Variants in ETV2 observed in about 807,000 individuals in gnomAD.
ETV2 encodes the protein ETS translocation variant 2.
ETV2 carries 34 observed loss-of-function variants against 35.7 expected under a neutral mutation model. The observed-to-expected ratio is 0.95, with a 90% CI of 0.72 to 1.27. ETV2 has a LOEUF of 1.27. Ranked by LOEUF, ETV2 falls within the 50% of genes most tolerant of loss-of-function variation. ETV2 has a pLI of 0.00. For missense variants in ETV2, 512 were observed against 470.5 expected, an observed-to-expected ratio of 1.09 and a Z score of -0.82; for synonymous variants, 207 against 203.9, an observed-to-expected ratio of 1.02 and a Z score of -0.13.
In ETV2 at chr19:35,644,205, A is replaced by G; in HGVS notation, c.716-30A>G. ...AGTGGTGTGATCTAGGGCCGGGAAG[A>G]CTGAGTGTGCCCCTCCCTTCATCCC... On this transcript the variant is annotated intron_variant, in intron 5 of 6. Coordinates refer to ENST00000402764, the MANE Select transcript of ETV2 (RefSeq NM_014209.4). This position sits in a 1 kb window ranked among gnomAD's most constrained non-coding sequence, Gnocchi z 4.7. The G allele has an allele frequency of 2.1e-6, 3 of 1,420,506 alleles. No individual in the cohort carries two copies. Among genetic ancestry groups the G allele is most frequent in the Non-Finnish European group, 2.9e-6 (3 of 1,027,598 alleles). 88.0% of individuals were successfully genotyped at this position (1,420,506 alleles called of 1,614,324 possible).
In ETV2 at chr19:35,643,391, C is replaced by A. The variant is rs1394780882; in HGVS notation, c.353C>A (p.Pro118His). ...TLGPAPLGPG[P>H]IPAAGSEGAA... ...GGCCCCGCCCCTCTCGGCCCGGGCC[C>A]CATCCCCGCCGCCGGCTCCGAAGGC... Residue 118 changes from proline to histidine, a missense_variant, in exon 5 of 7, where the codon CCC becomes CAC. Transcript: ENST00000402764. The surrounding 1 kb of genome is among the most constrained non-coding windows in gnomAD (Gnocchi z 5.0). The A allele has an allele frequency of 2.6e-6, 4 of 1,549,672 alleles. No homozygotes were observed. The highest frequency in any genetic ancestry group is 3.5e-6 in the Non-Finnish European group (4 of 1,148,432).
Position 35,644,670 on chromosome 19 carries a change from G to A in ETV2, c.847G>A (p.Glu283Lys), listed in dbSNP as rs750398674. ...DPKEVARLWG[E>K]RKRKPGMNYE... ...GTCCTAGGTGGCTCGGCTGTGGGGC[G>A]AGCGCAAGAGAAAGCCGGGCATGAA... The change falls in exon 7 of 7, where the codon GAG becomes AAG. Residue 283 changes from glutamate to lysine, a missense_variant. Coordinates refer to ENST00000402764, the MANE Select transcript of ETV2 (RefSeq NM_014209.4). This position sits in a 1 kb window ranked among gnomAD's most constrained non-coding sequence, Gnocchi z 4.7. The A allele has an allele frequency of 5.7e-5, 91 of 1,604,304 alleles. No individual in the cohort carries two copies. The highest frequency in any genetic ancestry group is 7.7e-5 in the Non-Finnish European group (91 of 1,174,338).
rs1967699169 is a variant in ETV2 at position 35,644,100 on chromosome 19, G to T, written c.716-135G>T. 1.1e-5 allele frequency: 8 copies of T among 714,718 alleles called. No homozygotes were observed. Among genetic ancestry groups the T allele is most frequent in the Non-Finnish European group, 2.0e-5 (8 of 403,136 alleles). 44.3% of individuals were successfully genotyped at this position (714,718 alleles called of 1,614,324 possible). On this transcript the variant is annotated intron_variant, in intron 5 of 6. Transcript: ENST00000402764. This position sits in a 1 kb window ranked among gnomAD's most constrained non-coding sequence, Gnocchi z 4.7. ...CTTGAGTCTCCAAGGCTGACTGTTG[G>T]ATCTCAGAGAAGGGGGGGCGGATCC...
rs1390644529 is a variant in ETV2, at chr19:35,642,450, TCATCG to T, written c.-6_-2del. The T allele has an allele frequency of 6.4e-7, 1 of 1,564,814 alleles. No individual in the cohort carries two copies. Among genetic ancestry groups the T allele is most frequent in the African/African-American group, 1.4e-5 (1 of 73,510 alleles). ...CCGACCCAGAACATTCAGAAGGCCT[TCATCG>T]CATCCATGGACCTGTGGAACTGGGA... On this transcript the variant is annotated 5_prime_UTR_variant, in exon 2 of 7. Coordinates refer to ENST00000402764, the MANE Select transcript of ETV2 (RefSeq NM_014209.4). This position sits in a 1 kb window ranked among gnomAD's most constrained non-coding sequence, Gnocchi z 4.4.
In ETV2 at chr19:35,643,625, C is replaced by T. The variant is rs1256433922; in HGVS notation, c.587C>T (p.Pro196Leu). 3 of 1,612,662 alleles carry T rather than the reference C, an allele frequency of 1.9e-6. No homozygotes were observed. Among genetic ancestry groups the T allele is most frequent in the Admixed American group, 1.7e-5 (1 of 59,838 alleles). The change falls in exon 5 of 7, where the codon CCG becomes CTG. Residue 196 changes from proline to leucine, a missense_variant. By Grantham distance (98) the Pro-to-Leu change is moderately conservative (BLOSUM62 -3). Coordinates refer to ENST00000402764, the MANE Select transcript of ETV2 (RefSeq NM_014209.4). The surrounding 1 kb of genome is among the most constrained non-coding windows in gnomAD (Gnocchi z 5.0). ...AGPDCTTSWN[P>L]GLHAGGTTSL... is the part of the protein sequence containing the mutation. ...CCGGACTGTACCACCTCCTGGAACC[C>T]GGGGCTGCATGCGGGTGGCACCACC... is the stretch of plus-strand genomic sequence containing the variant.
chr19:35,643,626 G>C lies in ETV2; in HGVS notation c.588G>C (p.Pro196=), dbSNP rs577177613. ...AGPDCTTSWN[P]GLHAGGTTSL... The stretch of plus-strand genomic sequence containing the variant: ...CGGACTGTACCACCTCCTGGAACCC[G>C]GGGCTGCATGCGGGTGGCACCACCT... The change falls in exon 5 of 7, where the codon CCG becomes CCC. Residue 196 remains proline (P), a synonymous_variant. Transcript: ENST00000402764. The surrounding 1 kb of genome is among the most constrained non-coding windows in gnomAD (Gnocchi z 5.0). The C allele has an allele frequency of 2.5e-6, 4 of 1,612,822 alleles. No homozygotes were observed. Among genetic ancestry groups the C allele is most frequent in the Non-Finnish European group, 3.4e-6 (4 of 1,179,460 alleles).
chr19:35,644,391 T>C lies in ETV2; in HGVS notation c.828+44T>C. 1 of 1,282,720 alleles carries C rather than the reference T, an allele frequency of 7.8e-7. No individual in the cohort carries two copies. The highest frequency in any genetic ancestry group is 1.1e-6 in the Non-Finnish European group (1 of 905,396). The allele number at this position is 1,282,720 out of a possible 1,614,324, so 79.5% of individuals were successfully genotyped here. ...CCAGCCAAATCCGCCCCGTCTCTTC[T>C]AGTTCAATTTAGCTCCGCCCAAGGG... On this transcript the variant is annotated intron_variant, in intron 6 of 6. Transcript: ENST00000402764. The surrounding 1 kb of genome is among the most constrained non-coding windows in gnomAD (Gnocchi z 4.7).
Position 35,643,778 on chromosome 19 carries a change from G to A in ETV2, c.715+25G>A. 1 of 1,612,688 alleles carries A rather than the reference G, an allele frequency of 6.2e-7. No individual in the cohort carries two copies. Among genetic ancestry groups the A allele is most frequent in the Non-Finnish European group, 8.5e-7 (1 of 1,179,700 alleles). On this transcript the variant is annotated intron_variant, in intron 5 of 6. Coordinates refer to ENST00000402764, the MANE Select transcript of ETV2 (RefSeq NM_014209.4). The surrounding 1 kb of genome is among the most constrained non-coding windows in gnomAD (Gnocchi z 5.0). ...GGTGAGAGGGCCGCAAAGACTGCGG[G>A]GAGGGCGAAGCTGGAGTCCTGAGCC...
chr19:35,642,694 GA>G lies in ETV2; in HGVS notation c.153del (p.Gly52ValfsTer155). The G allele has an allele frequency of 6.3e-7, 1 of 1,595,482 alleles. No individual in the cohort carries two copies. Among genetic ancestry groups the G allele is most frequent in the Non-Finnish European group, 8.5e-7 (1 of 1,170,684 alleles). On this transcript the variant is annotated frameshift_variant, in exon 3 of 7. Transcript: ENST00000402764. LOFTEE classifies it high-confidence loss of function. The surrounding 1 kb of genome is among the most constrained non-coding windows in gnomAD (Gnocchi z 4.4). ...TPTATAETCW[K>X]GTSSSLASFP... ...CGACAGCGACAGCAGAGACATGCTGGAAAGGTGGCTGCGGGCTGGGACCCCT... is the reference window on the plus strand; with the variant it reads ...CGACAGCGACAGCAGAGACATGCTGGAAGGTGGCTGCGGGCTGGGACCCCT...
Position 35,644,435 on chromosome 19 carries a change from C to T in ETV2, c.828+88C>T, listed in dbSNP as rs375444602. On this transcript the variant is annotated intron_variant, in intron 6 of 6. Coordinates refer to ENST00000402764, the MANE Select transcript of ETV2 (RefSeq NM_014209.4). The surrounding 1 kb of genome is among the most constrained non-coding windows in gnomAD (Gnocchi z 4.7). The stretch of plus-strand genomic sequence containing the variant: ...CCAAGGGCTAGGTTCAACCGCGTAG[C>T]CCTCGGCCCCGCCGCTCCCCGGCCC... 1.4e-5 allele frequency: 14 copies of T among 1,001,792 alleles called. 1 individual carries two copies. The Middle Eastern group carries it at 7.8e-4, about 56-fold the overall frequency. 62.1% of individuals were successfully genotyped at this position (1,001,792 alleles called of 1,614,324 possible).
In ETV2 at chr19:35,644,356, G is replaced by T. The variant is rs1191975447; in HGVS notation, c.828+9G>T. On this transcript the variant is annotated intron_variant, in intron 6 of 6. Coordinates refer to ENST00000402764, the MANE Select transcript of ETV2 (RefSeq NM_014209.4). This position sits in a 1 kb window ranked among gnomAD's most constrained non-coding sequence, Gnocchi z 4.7. ...TGTGCGACCCCAAAGAGGTGGGGCA[G>T]CTCCCCTGCCCAGCCAAATCCGCCC... The T allele has an allele frequency of 2.0e-6, 3 of 1,490,090 alleles. No individual in the cohort carries two copies. Among genetic ancestry groups the T allele is most frequent in the Non-Finnish European group, 2.7e-6 (3 of 1,112,760 alleles). 92.3% of individuals were successfully genotyped at this position (1,490,090 alleles called of 1,614,324 possible).
rs776530931 is a variant in ETV2 at position 35,643,471 on chromosome 19, G to T, written c.433G>T (p.Ala145Ser). ...GGGAGAGGCCACCTCGTGGTCGCGC[G>T]CCCAGGCCGCCGGGAGCAACACCAG... ...VAGEATSWSR[A>S]QAAGSNTSWD... The change falls in exon 5 of 7, where the codon GCC becomes TCC. Residue 145 changes from alanine to serine, a missense_variant. By Grantham distance (99) the Ala-to-Ser change is moderately conservative. Transcript: ENST00000402764. This position sits in a 1 kb window ranked among gnomAD's most constrained non-coding sequence, Gnocchi z 5.0. 5.8e-6 allele frequency: 9 copies of T among 1,547,638 alleles called. No individual in the cohort carries two copies. The highest frequency in any genetic ancestry group is 7.9e-6 in the Non-Finnish European group (9 of 1,146,002).
chr19:35,643,958 G>A lies in ETV2; in HGVS notation c.715+205G>A, dbSNP rs1179126062. On this transcript the variant is annotated intron_variant, in intron 5 of 6. Transcript: ENST00000402764. This position sits in a 1 kb window ranked among gnomAD's most constrained non-coding sequence, Gnocchi z 5.0. ...AACTGGTAGTCTTATAGGGACCAAG[G>A]GGATGAGGACCCAGGCTCCTGGATT... 6.6e-6 allele frequency among the ~76,000 whole-genome samples: 1 copy of A among 152,144 alleles called. No homozygotes were observed. The highest frequency in any genetic ancestry group is 1.5e-5 in the Non-Finnish European group (1 of 68,006).
chr19:35,643,312 A>G lies in ETV2; in HGVS notation c.274A>G (p.Thr92Ala), dbSNP rs199508358. The G allele has an allele frequency of 1.6e-4, 249 of 1,602,648 alleles. No homozygotes were observed. Among genetic ancestry groups the G allele is most frequent in the Non-Finnish European group, 2.0e-4 (238 of 1,176,290 alleles). Residue 92 changes from threonine (T) to alanine (A), a missense_variant, in exon 5 of 7, where the codon ACA becomes GCA. Coordinates refer to ENST00000402764, the MANE Select transcript of ETV2 (RefSeq NM_014209.4). This position sits in a 1 kb window ranked among gnomAD's most constrained non-coding sequence, Gnocchi z 5.0. ...SQALPWSGDW[T>A]DMACTAWDSW... ...GGCTCTTCCGTGGTCCGGGGACTGG[A>G]CAGACATGGCGTGCACAGCCTGGGA...
At position 35,643,473 on chromosome 19, in the gene ETV2, C is replaced by A; in HGVS notation, c.435C>A (p.Ala145=). Residue 145 remains alanine, a synonymous_variant, in exon 5 of 7, where the codon GCC becomes GCA. Transcript: ENST00000402764. This position sits in a 1 kb window ranked among gnomAD's most constrained non-coding sequence, Gnocchi z 5.0. The part of the protein sequence containing the change: ...VAGEATSWSR[A]QAAGSNTSWD... ...GAGAGGCCACCTCGTGGTCGCGCGC[C>A]CAGGCCGCCGGGAGCAACACCAGCT... 6.5e-7 allele frequency: 1 copy of A among 1,548,100 alleles called. No homozygotes were observed.
chr19:35,644,142 G>A lies in ETV2; in HGVS notation c.716-93G>A, dbSNP rs763928279. On this transcript the variant is annotated intron_variant, in intron 5 of 6. Transcript: ENST00000402764. This position sits in a 1 kb window ranked among gnomAD's most constrained non-coding sequence, Gnocchi z 4.7. ...GGCGGATCCCCTTCTCGGGTCCTGG[G>A]TCCCGAGTTGGGAGGACCCGGACCT... 1 of 870,156 alleles carries A rather than the reference G, an allele frequency of 1.1e-6. No individual in the cohort carries two copies. The highest frequency in any genetic ancestry group is 1.9e-6 in the Non-Finnish European group (1 of 534,368). 53.9% of individuals were successfully genotyped at this position (870,156 alleles called of 1,614,324 possible). A position where few individuals can be genotyped will look rare whatever the true frequency, so the allele number is the denominator to read the frequency against.
rs1967722511 is a variant in ETV2, at chr19:35,644,771, C to T, written c.948C>T (p.Tyr316=). 24 of 1,612,332 alleles carry T rather than the reference C, an allele frequency of 1.5e-5. No individual in the cohort carries two copies. The highest frequency in any genetic ancestry group is 1.9e-5 in the Non-Finnish European group (22 of 1,179,250). Residue 316 remains tyrosine, a synonymous_variant, in exon 7 of 7, where the codon TAC becomes TAT. Coordinates refer to ENST00000402764, the MANE Select transcript of ETV2 (RefSeq NM_014209.4). The surrounding 1 kb of genome is among the most constrained non-coding windows in gnomAD (Gnocchi z 4.7). ...DIVRKSGGRK[Y]TYRFGGRVPS... ...TGCGCAAGAGCGGGGGGCGAAAGTA[C>T]ACGTACCGCTTCGGGGGCCGCGTGC...
chr19:35,642,651 C>G lies in ETV2; in HGVS notation c.107C>G (p.Ala36Gly), dbSNP rs147522433. The G allele has an allele frequency of 8.7e-6, 14 of 1,606,792 alleles. No homozygotes were observed. The highest frequency in any genetic ancestry group is 1.3e-5 in the African/African-American group (1 of 74,732). The stretch of plus-strand genomic sequence containing the variant: ...TTAGGCTTCTGTTTCCCTGATCTGG[C>G]ACTCCAAGGGGACACGCCGACAGCG... ...AKLGFCFPDLALQGDTPTATA... is the reference protein window; with the variant it reads ...AKLGFCFPDLGLQGDTPTATA... Residue 36 changes from alanine (A) to glycine (G), a missense_variant, in exon 3 of 7, where the codon GCA (alanine) becomes GGA (glycine). Coordinates refer to ENST00000402764, the MANE Select transcript of ETV2 (RefSeq NM_014209.4). This position sits in a 1 kb window ranked among gnomAD's most constrained non-coding sequence, Gnocchi z 4.4.
Position 35,644,545 on chromosome 19 carries a change from C to A in ETV2, c.829-107C>A. ...CCAACCCAGTCTCCACCGGGCTCTG[C>A]GAGGCCTCGCCCAGGTCTGCACTGC... On this transcript the variant is annotated intron_variant, in intron 6 of 6. Coordinates refer to ENST00000402764, the MANE Select transcript of ETV2 (RefSeq NM_014209.4). This position sits in a 1 kb window ranked among gnomAD's most constrained non-coding sequence, Gnocchi z 4.7. The A allele has an allele frequency of 8.8e-7, 1 of 1,138,118 alleles. No homozygotes were observed. Among genetic ancestry groups the A allele is most frequent in the Non-Finnish European group, 1.2e-6 (1 of 808,886 alleles). The allele number at this position is 1,138,118 out of a possible 1,614,324, so 70.5% of individuals were successfully genotyped here.
Sources: gnomAD v4.1 joint callset for allele counts (sites outside exome capture counted in the v4.1 genomes callset) on GRCh38, gnomAD v4.1.1 for gene constraint, Gnocchi (gnomAD v3.1) non-coding constraint, MANE v1.5 for transcripts, NCBI Gene and HGNC (gene_info 2026-07-23, HGNC 2026-07-21) for gene names.